Variants in ENPP3 observed in about 807,000 individuals in gnomAD.
The protein encoded by ENPP3 is ectonucleotide pyrophosphatase/phosphodiesterase 3.
Under a neutral mutation model 117.8 loss-of-function variants are expected in ENPP3, and 104 were observed. The observed-to-expected ratio is 0.88, with a 90% CI of 0.75 to 1.04. The LOEUF (loss-of-function observed/expected upper bound fraction) is 1.04, where lower values mean the gene tolerates loss of function less well. Ranked by LOEUF, ENPP3 falls within the 50% of genes least tolerant of loss-of-function variation. ENPP3 has a pLI of 0.00. For synonymous variants in ENPP3, 380 were observed against 349.9 expected, an observed-to-expected ratio of 1.09 and a Z score of -0.96; for missense variants, 1,026 against 1,051.9, an observed-to-expected ratio of 0.98 and a Z score of 0.34.
rs934449724 is a variant in ENPP3, at chr6:131,740,079, T to C, written c.2301-145T>C. On this transcript the variant is annotated intron_variant, in intron 23 of 24. Transcript: ENST00000357639. ...GTATGTAAGTTATTTAAAAAGTACC[T>C]AGCATATAGTAAAATGCTGTCAAAC... 8.5e-6 allele frequency: 5 copies of C among 585,196 alleles called. No homozygotes were observed. The African/African-American group carries it at 9.6e-5, about 11-fold the overall frequency. 36.3% of individuals were successfully genotyped at this position (585,196 alleles called of 1,614,324 possible). A position where few individuals can be genotyped will look rare whatever the true frequency, so the allele number is the denominator to read the frequency against.
chr6:131,688,734 G>A (rs563770720), intron 14 of ENPP3, among the ~76,000 whole-genome samples: 5 of 151,992 alleles, frequency 3.3e-5, no homozygotes, highest in African/African-American at 9.7e-5. Context: ...AAGCTAGCAG[G>A]GGTTTGTTAG....
intron 14 of ENPP3, among the ~76,000 whole-genome samples, chr6:131,692,737 TATATATG>T (rs1035856618): frequency 1.4e-5 from 2 of 146,234 alleles, no homozygotes; most frequent in Non-Finnish European, 3.0e-5. Flanking sequence ...ATGGCTATAT[TATATATG>T]ATATATGATA....
intron 5 of ENPP3, among the ~76,000 whole-genome samples, chr6:131,656,598 T>C (rs1230196942): frequency 6.6e-6 from 1 of 152,038 alleles, no homozygotes; most frequent in East Asian, 1.9e-4. Context: ...AAACCCCGTC[T>C]CTACTAAAAA....
intron 5 of ENPP3, among the ~76,000 whole-genome samples, chr6:131,657,889 C>T (rs544436377): frequency 1.3e-5 from 2 of 152,106 alleles, no homozygotes; most frequent in African/African-American, 2.4e-5. Flanking sequence ...TTAGGCCAGG[C>T]GTGGTGACTC....
chr6:131,638,472 C>T (rs949292766), intron 1 of ENPP3: 9 of 453,618 alleles, frequency 2.0e-5, no homozygotes, highest in Non-Finnish European at 4.0e-5. Flanking sequence ...TTTGGGATCT[C>T]ACCTCACCAC....
At chr6:131,652,397 C>A (rs1272277424) in intron 3 of ENPP3, 145 bp from the exon 4 acceptor site, 4 of 857,130 alleles carry the variant, frequency 4.7e-6, no homozygotes, top group Non-Finnish European at 6.9e-6. Context: ...GTTTGCCCCT[C>A]ATTTGGTATT....
At chr6:131,696,894 T>C (rs3778571) in intron 15 of ENPP3, among the ~76,000 whole-genome samples, 47,974 of 151,346 alleles carry the variant, frequency 0.32, 13,223 homozygotes, top group African/African-American at 0.74. Context: ...CTCAGCCTCC[T>C]GAGTAGCTGG....
At position 131,676,762 on chromosome 6, in the gene ENPP3, C is replaced by T. The variant is rs1026281506; in HGVS notation, c.899C>T (p.Ser300Phe). ...NGSVPFEERI[S>F]TLLKWLDLPK... ...AGTGTCCCATTTGAAGAGAGGATTT[C>T]TACACTGTTAAAATGGCTGGACCTG... The change falls in exon 10 of 25, where the codon TCT becomes TTT. Residue 300 changes from serine (S) to phenylalanine (F), a missense_variant. By Grantham distance (155) the Ser-to-Phe change is radical. Transcript: ENST00000357639. The T allele has an allele frequency of 8.1e-6, 13 of 1,610,860 alleles. No individual in the cohort carries two copies. The highest frequency in any genetic ancestry group is 1.1e-5 in the Non-Finnish European group (13 of 1,177,282).
At chr6:131,649,720 TAA>T (rs1201054799) in intron 2 of ENPP3, among the ~76,000 whole-genome samples, 1 of 152,048 alleles carries the variant, frequency 6.6e-6, no homozygotes, top group Non-Finnish European at 1.5e-5. Context: ...CACACCTGGT[TAA>T]GTTTTGTATT....
rs1585666963 is a variant in ENPP3, at chr6:131,685,867, T to C, written c.1253-9T>C. 3 of 947,804 alleles carry C rather than the reference T, an allele frequency of 3.2e-6. No individual in the cohort carries two copies. The highest frequency in any genetic ancestry group is 3.2e-5 in the African/African-American group (2 of 61,914). 58.7% of individuals were successfully genotyped at this position (947,804 alleles called of 1,614,324 possible). Reference sequence around the variant, plus strand: ...GTAATGTCATTTATTTCTTTTTCTTTTGAAACAGTTAATTCTGAGGAAATT... The same window carrying C: ...GTAATGTCATTTATTTCTTTTTCTTCTGAAACAGTTAATTCTGAGGAAATT... On this transcript the variant is annotated splice_polypyrimidine_tract_variant and intron_variant, in intron 13 of 24. Transcript: ENST00000357639.
intron 7 of ENPP3, among the ~76,000 whole-genome samples, chr6:131,673,160 C>T (rs1393122283): frequency 6.6e-6 from 1 of 152,136 alleles, no homozygotes; most frequent in Non-Finnish European, 1.5e-5. Context: ...CCTAATGTCA[C>T]TTATTTGCTG....
chr6:131,715,869 T>G (rs1779877897), intron 15 of ENPP3, among the ~76,000 whole-genome samples: 1 of 151,978 alleles, frequency 6.6e-6, no homozygotes, highest in Non-Finnish European at 1.5e-5. Flanking sequence ...GTTTTCTCGG[T>G]AAACAAGAAT....
At chr6:131,660,247 T>C (rs1262103637) in intron 6 of ENPP3, among the ~76,000 whole-genome samples, 1 of 152,194 alleles carries the variant, frequency 6.6e-6, no homozygotes, top group East Asian at 1.9e-4. Context: ...AGGTGAGGTA[T>C]GTGACAGCAG....
intron 15 of ENPP3, among the ~76,000 whole-genome samples, chr6:131,696,065 G>C (rs1032241354): frequency 1.3e-5 from 2 of 152,262 alleles, no homozygotes; most frequent in Middle Eastern, 6.8e-3. Context: ...GGTCCCCTTT[G>C]TACAATTAAA....
chr6:131,652,670 G>C lies in ENPP3; in HGVS notation c.403+3G>C, dbSNP rs767381463. On this transcript the variant is annotated splice_donor_region_variant and intron_variant, in intron 4 of 24. Coordinates refer to ENST00000357639, the MANE Select transcript of ENPP3 (RefSeq NM_005021.5). ...TGACTATAAGAGTGTTTGCCAAGGT[G>C]AGCAGGAGGATGTTGACTCATTTGC... 1.2e-6 allele frequency: 2 copies of C among 1,613,958 alleles called. No homozygotes were observed. Among genetic ancestry groups the C allele is most frequent in the Non-Finnish European group, 1.7e-6 (2 of 1,179,924 alleles).
At chr6:131,688,879 C>T (rs906455411) in intron 14 of ENPP3, among the ~76,000 whole-genome samples, 5 of 143,876 alleles carry the variant, frequency 3.5e-5, no homozygotes, top group Admixed American at 7.2e-5. Context: ...TGGTGAAACC[C>T]GTCTCTACTA....
At chr6:131,688,046 G>A (rs1481571199) in intron 14 of ENPP3, among the ~76,000 whole-genome samples, 3 of 152,024 alleles carry the variant, frequency 2.0e-5, no homozygotes, top group Admixed American at 6.6e-5. Context: ...GCATGTGCCC[G>A]CTTCATGTGT....
intron 11 of ENPP3, 64 bp downstream of exon 11, chr6:131,678,004 A>G: frequency 1.1e-6 from 1 of 944,280 alleles, no homozygotes; most frequent in African/African-American, 1.7e-5. Flanking sequence ...AACCCACAAA[A>G]CAAGATAGTA....
At chr6:131,673,004 C>A (rs1778778843) in intron 7 of ENPP3, among the ~76,000 whole-genome samples, 2 of 152,010 alleles carry the variant, frequency 1.3e-5, no homozygotes, top group South Asian at 4.1e-4. Context: ...ATACAGAAAG[C>A]TTCTATCTAG....
Sources: allele counts gnomAD v4.1 joint callset (sites outside exome capture counted in the v4.1 genomes callset), GRCh38; gene constraint gnomAD v4.1.1; transcripts MANE v1.5; gene names NCBI Gene and HGNC (gene_info 2026-07-23, HGNC 2026-07-21).